The following RANBP2 variants were observed in gnomAD, a reference collection of about 807,000 sequenced individuals.
The protein encoded by RANBP2 is E3 SUMO-protein ligase RanBP2.
RANBP2 carries 57 observed loss-of-function variants against 303.6 expected under a neutral mutation model. That is an observed-to-expected ratio of 0.19 (90% CI 0.15 to 0.23). The LOEUF is 0.23. RANBP2 is among the 10% of genes least tolerant of loss of function. The pLI is 1.00. For synonymous variants in RANBP2, 1,167 were observed against 1,301.5 expected (o/e 0.90, Z 2.23); for missense variants, 3,138 against 3,780.8 (o/e 0.83, Z 4.46).
the RANBP2 span, among the ~76,000 whole-genome samples, chr2:109,766,265 A>G: frequency 1.3e-5 from 2 of 151,186 alleles, no homozygotes; most frequent in African/African-American, 2.4e-5. Context: ...GGGGCTGCTC[A>G]TCAGCCTGGA....
At chr2:108,976,066 C>T in the RANBP2 span, among the ~76,000 whole-genome samples, 1 of 152,176 alleles carries the variant, frequency 6.6e-6, no homozygotes, top group Non-Finnish European at 1.5e-5. Context: ...AATACTGGTG[C>T]AATACTGGTG....
chr2:109,684,139 A>T, the RANBP2 span, among the ~76,000 whole-genome samples: 1 of 151,374 alleles, frequency 6.6e-6, no homozygotes, highest in Non-Finnish European at 1.5e-5. Context: ...ATGGGGTTTT[A>T]CCATGTTGGC....
chr2:109,152,278 C>T, the RANBP2 span, among the ~76,000 whole-genome samples: 3 of 152,204 alleles, frequency 2.0e-5, no homozygotes, highest in Non-Finnish European at 4.4e-5. Flanking sequence ...TGGGCATGTT[C>T]CCCTTGTTGT....
the RANBP2 span, among the ~76,000 whole-genome samples, chr2:109,255,206 T>G: frequency 2.6e-5 from 4 of 152,284 alleles, no homozygotes; most frequent in African/African-American, 7.2e-5. Flanking sequence ...CTAATCAATT[T>G]AGGCAACCTG....
chr2:109,634,110 ACT>A, the RANBP2 span, among the ~76,000 whole-genome samples: 2 of 111,122 alleles, frequency 1.8e-5, no homozygotes, highest in African/African-American at 7.5e-5. Context: ...ACAGAGTGAG[ACT>A]CTGTCTCAAA....
the RANBP2 span, among the ~76,000 whole-genome samples, chr2:109,680,035 A>G: frequency 1.3e-5 from 2 of 151,988 alleles, no homozygotes; most frequent in Non-Finnish European, 1.5e-5. Context: ...CTAGAGAGAA[A>G]AAATAAAAAT....
the RANBP2 span, among the ~76,000 whole-genome samples, chr2:108,861,770 C>G: frequency 1.3e-5 from 2 of 152,132 alleles, no homozygotes; most frequent in Non-Finnish European, 2.9e-5. Flanking sequence ...CGTGAGCCAC[C>G]GCGCCCGGCC....
the RANBP2 span, among the ~76,000 whole-genome samples, chr2:109,689,200 C>T: frequency 6.6e-6 from 1 of 152,244 alleles, no homozygotes; most frequent in Middle Eastern, 3.4e-3. Flanking sequence ...AGCCACCGTG[C>T]CCGGCCTGGA....
chr2:109,490,461 C>A, the RANBP2 span: 1 of 683,180 alleles, frequency 1.5e-6, no homozygotes, highest in Non-Finnish European at 2.2e-6. Context: ...ACTGCTGTTG[C>A]TGTGAGTGGT....
At chr2:109,386,652 T>A in the RANBP2 span, among the ~76,000 whole-genome samples, 1 of 152,202 alleles carries the variant, frequency 6.6e-6, no homozygotes, top group African/African-American at 2.4e-5. Context: ...TTAGAGCTTA[T>A]CCTAGGGGCA....
the RANBP2 span, among the ~76,000 whole-genome samples, chr2:109,426,705 T>C: frequency 1.3e-5 from 2 of 152,188 alleles, no homozygotes; most frequent in Non-Finnish European, 2.9e-5. Flanking sequence ...TGCCTCCAAT[T>C]TTGAAAGAAA....
chr2:109,559,694 C>T, the RANBP2 span, among the ~76,000 whole-genome samples: 1 of 152,192 alleles, frequency 6.6e-6, no homozygotes, highest in East Asian at 1.9e-4. Flanking sequence ...ATCAGGTTCA[C>T]ACTCACTCCT....
At chr2:109,016,626 G>A in the RANBP2 span, among the ~76,000 whole-genome samples, 10 of 152,208 alleles carry the variant, frequency 6.6e-5, no homozygotes, top group Non-Finnish European at 5.9e-5. Context: ...GAGCAAGCCC[G>A]GGACCTGGCT....
the RANBP2 span, among the ~76,000 whole-genome samples, chr2:109,146,438 A>G: frequency 4.6e-5 from 7 of 152,164 alleles, no homozygotes; most frequent in South Asian, 2.1e-4. Context: ...TCTTGCATCA[A>G]TTCCGTGCCA....
chr2:108,739,328 G>C (rs1695879164), intron 6 of RANBP2, among the ~76,000 whole-genome samples: 1 of 152,132 alleles, frequency 6.6e-6, no homozygotes. Flanking sequence ...GCTTGAACCT[G>C]GGAGTCAGAG....
At chr2:108,889,773 T>C in the RANBP2 span, among the ~76,000 whole-genome samples, 10 of 152,320 alleles carry the variant, frequency 6.6e-5, no homozygotes, top group Non-Finnish European at 1.3e-4. Context: ...GAGAATTAAA[T>C]CTGTTTGTGT....
At chr2:109,566,105 CA>C in the RANBP2 span, among the ~76,000 whole-genome samples, 1 of 151,512 alleles carries the variant, frequency 6.6e-6, no homozygotes, top group African/African-American at 2.4e-5. Flanking sequence ...TACACACAAA[CA>C]AAAAAAATTT....
the RANBP2 span, among the ~76,000 whole-genome samples, chr2:109,423,410 T>C: frequency 2.0e-5 from 3 of 151,910 alleles, no homozygotes; most frequent in African/African-American, 4.8e-5. Context: ...GTGCGTGTGG[T>C]CAAAAGGCCA....
Position 108,719,660 on chromosome 2 carries a change from C to T in RANBP2, c.54C>T (p.Ser18=), listed in dbSNP as rs1226161731. Residue 18 remains serine, a synonymous_variant, in exon 1 of 29, where the codon TCC becomes TCT. Coordinates refer to ENST00000283195, the MANE Select transcript of RANBP2 (RefSeq NM_006267.5). ...GGTACATCGCCTCGGTGCAGGGCTC[C>T]ACCCCGTCGCCTCGACAGGTGAGTG... is the stretch of plus-strand genomic sequence containing the variant. ...VERYIASVQG[S]TPSPRQKSMK... 5 of 1,606,408 alleles carry T rather than the reference C, an allele frequency of 3.1e-6. No homozygotes were observed. The Admixed American group carries it at 6.8e-5, about 22-fold the overall frequency.
Sources: gnomAD v4.1 joint callset for allele counts (sites outside exome capture counted in the v4.1 genomes callset) on GRCh38, gnomAD v4.1.1 for gene constraint, MANE v1.5 for transcripts, NCBI Gene and HGNC (gene_info 2026-07-23, HGNC 2026-07-21) for gene names.